The following RASA2 variants were observed in gnomAD, a reference collection of about 807,000 sequenced individuals.
RASA2 encodes ras GTPase-activating protein 2.
RASA2 carries 155 observed loss-of-function variants against 118.2 expected under a neutral mutation model. That is an observed-to-expected ratio of 1.31 (90% CI 1.15 to 1.50). The LOEUF is 1.50. Ranked by LOEUF, RASA2 falls within the 40% of genes most tolerant of loss-of-function variation. RASA2 has a pLI of 0.00. For synonymous variants in RASA2, 353 were observed against 349.1 expected (o/e 1.01, Z -0.12); for missense variants, 1,016 against 1,009.6 (o/e 1.01, Z -0.09).
chr3:141,560,853 T>C (rs559423230), intron 9 of RASA2, among the ~76,000 whole-genome samples: 1 of 152,294 alleles, frequency 6.6e-6, no homozygotes, highest in South Asian at 2.1e-4. Flanking sequence ...TAGGTGTTTC[T>C]TATGGATATC....
intron 19 of RASA2, among the ~76,000 whole-genome samples, chr3:141,594,195 A>T (rs1349713390): frequency 1.3e-5 from 2 of 152,132 alleles, no homozygotes; most frequent in Non-Finnish European, 2.9e-5. Flanking sequence ...AGATTGGTTC[A>T]CTGAACTTGA....
intron 21 of RASA2, 38 bp from the exon 22 acceptor site, chr3:141,609,382 A>G: frequency 7.8e-7 from 1 of 1,283,110 alleles, no homozygotes; most frequent in Non-Finnish European, 1.1e-6. Flanking sequence ...ACAAAATAAA[A>G]TTTGTATAAT....
chr3:141,504,952 C>T (rs950321878), intron 1 of RASA2, among the ~76,000 whole-genome samples: 2 of 152,118 alleles, frequency 1.3e-5, no homozygotes, highest in African/African-American at 4.8e-5. Flanking sequence ...CTGTCCGTCT[C>T]CTTCCCCAGA....
At chr3:141,609,584 G>C in intron 22 of RASA2, 61 bp downstream of exon 22, 1 of 1,257,326 alleles carries the variant, frequency 8.0e-7, no homozygotes. Context: ...CTAAAGTATT[G>C]CTTTAGCATT....
At chr3:141,571,196 A>G in intron 10 of RASA2, 128 bp downstream of exon 10, 1 of 1,110,044 alleles carries the variant, frequency 9.0e-7, no homozygotes. Flanking sequence ...ATACATATAT[A>G]TACACACACA....
intron 19 of RASA2, among the ~76,000 whole-genome samples, chr3:141,604,909 A>C (rs192557935): frequency 2.0e-5 from 3 of 152,110 alleles, no homozygotes; most frequent in Non-Finnish European, 4.4e-5. Flanking sequence ...GTATAACAAA[A>C]ATATACATAT....
At position 141,612,707 on chromosome 3, in the gene RASA2, G is replaced by T; in HGVS notation, c.*394G>T. 6.3e-6 allele frequency: 1 copy of T among 159,042 alleles called. No homozygotes were observed. The highest frequency in any genetic ancestry group is 1.4e-5 in the Non-Finnish European group (1 of 72,828). 9.9% of individuals were successfully genotyped at this position (159,042 alleles called of 1,614,324 possible). Reference sequence around the variant, plus strand: ...GTGCCTGCTCTATACTGCCAACATTGTGTTTTACTAGAAAATTCCAATTCA... The same window carrying T: ...GTGCCTGCTCTATACTGCCAACATTTTGTTTTACTAGAAAATTCCAATTCA... On this transcript the variant is annotated 3_prime_UTR_variant, in exon 24 of 24. Transcript: ENST00000286364.
At chr3:141,547,801 T>C (rs1319815444) in intron 5 of RASA2, among the ~76,000 whole-genome samples, 1 of 152,210 alleles carries the variant, frequency 6.6e-6, no homozygotes, top group Non-Finnish European at 1.5e-5. Flanking sequence ...CCCCATTCAG[T>C]ATGATACTAG....
chr3:141,585,296 A>T (rs1449845948), intron 17 of RASA2, among the ~76,000 whole-genome samples: 1 of 152,164 alleles, frequency 6.6e-6, no homozygotes, highest in Non-Finnish European at 1.5e-5. Flanking sequence ...ACAGTATATG[A>T]ATACTTACAG....
intron 5 of RASA2, among the ~76,000 whole-genome samples, chr3:141,545,601 C>T (rs2082473570): frequency 3.3e-5 from 5 of 151,602 alleles, no homozygotes; most frequent in Admixed American, 2.6e-4. Context: ...GTGTGCACCA[C>T]CAGACCTGGC....
In RASA2 at chr3:141,512,285, G is replaced by T; in HGVS notation, c.251+5G>T. On this transcript the variant is annotated splice_donor_5th_base_variant and intron_variant, in intron 2 of 23. Coordinates refer to ENST00000286364, the MANE Select transcript of RASA2 (RefSeq NM_006506.5). ...AGTTGTGGAAAAATCTTTAAGGTTGGTAGAAAAAATTGGTAAATTATAATT... is the reference window on the plus strand; with the variant it reads ...AGTTGTGGAAAAATCTTTAAGGTTGTTAGAAAAAATTGGTAAATTATAATT... 2 of 1,548,444 alleles carry T rather than the reference G, an allele frequency of 1.3e-6. No homozygotes were observed. The highest frequency in any genetic ancestry group is 1.2e-5 in the South Asian group (1 of 83,854).
chr3:141,529,325 C>T (rs1018348436), intron 3 of RASA2, among the ~76,000 whole-genome samples: 1 of 152,070 alleles, frequency 6.6e-6, no homozygotes, highest in Non-Finnish European at 1.5e-5. Flanking sequence ...CAAAACTTGT[C>T]ATTTGTTCTT....
At chr3:141,551,101 T>C (rs1182535793) in intron 5 of RASA2, among the ~76,000 whole-genome samples, 2 of 152,218 alleles carry the variant, frequency 1.3e-5, no homozygotes, top group Non-Finnish European at 2.9e-5. Flanking sequence ...CATAATTTCT[T>C]AGTTCCTTGC....
chr3:141,569,265 A>G (rs1560039276), intron 9 of RASA2, among the ~76,000 whole-genome samples: 1 of 152,174 alleles, frequency 6.6e-6, no homozygotes, highest in Non-Finnish European at 1.5e-5. Flanking sequence ...ATTTTAGATA[A>G]ATAAATTTTT....
At chr3:141,540,900 T>C (rs1401666070) in intron 5 of RASA2, among the ~76,000 whole-genome samples, 3 of 152,152 alleles carry the variant, frequency 2.0e-5, no homozygotes, top group Non-Finnish European at 4.4e-5. Context: ...TTGGAAAGGC[T>C]TCCCAAAGAA....
intron 9 of RASA2, among the ~76,000 whole-genome samples, chr3:141,563,708 A>G (rs915224567): frequency 6.6e-6 from 1 of 152,186 alleles, no homozygotes; most frequent in African/African-American, 2.4e-5. Flanking sequence ...AAATTTAGCA[A>G]CTTGTCTAAG....
intron 3 of RASA2, among the ~76,000 whole-genome samples, chr3:141,526,631 T>C (rs2082189319): frequency 6.6e-6 from 1 of 152,240 alleles, no homozygotes; most frequent in Non-Finnish European, 1.5e-5. Flanking sequence ...TCATTTTCTC[T>C]AACTTTGTGG....
chr3:141,589,348 A>T (rs1405633049), intron 19 of RASA2, among the ~76,000 whole-genome samples: 1 of 152,124 alleles, frequency 6.6e-6, no homozygotes, highest in African/African-American at 2.4e-5. Context: ...TCTAATCTAA[A>T]CCAATATTCT....
At chr3:141,536,269 A>G (rs1201779488) in intron 4 of RASA2, among the ~76,000 whole-genome samples, 2 of 152,172 alleles carry the variant, frequency 1.3e-5, no homozygotes, top group East Asian at 3.9e-4. Context: ...AGAGAAGCAA[A>G]AGCGGAAACC....
Sources: allele counts gnomAD v4.1 joint callset (sites outside exome capture counted in the v4.1 genomes callset), GRCh38; gene constraint gnomAD v4.1.1; transcripts MANE v1.5; gene names NCBI Gene and HGNC (gene_info 2026-07-23, HGNC 2026-07-21).